SOX5: variants seen among roughly 807,000 people sequenced by gnomAD.
The protein encoded by SOX5 is SRY-box transcription factor 5, also known as transcription factor SOX-5.
Under a neutral mutation model 92.0 loss-of-function variants are expected in SOX5, and 9 were observed. That is an observed-to-expected ratio of 0.10 (90% confidence interval 0.06 to 0.17). The LOEUF is 0.17. Among genes scored for constraint, SOX5 ranks in the 10% least tolerant of loss-of-function variants. SOX5 has a pLI of 1.00. For missense variants in SOX5, 642 were observed against 944.5 expected (o/e 0.68, Z 4.20); for synonymous variants, 344 against 336.3 (o/e 1.02, Z -0.25).
intron 4 of SOX5, among the ~76,000 whole-genome samples, chr12:23,747,345 T>C (rs1005116917): frequency 1.3e-5 from 2 of 152,062 alleles, no homozygotes; most frequent in Non-Finnish European, 2.9e-5. Flanking sequence ...TAAAATCCAT[T>C]CTCCAAACAA....
intron 4 of SOX5, among the ~76,000 whole-genome samples, chr12:24,209,111 A>G (rs1223553773): frequency 2.0e-5 from 3 of 152,216 alleles, no homozygotes; most frequent in Non-Finnish European, 2.9e-5. Context: ...GAGAAATTTG[A>G]GCATTTAAAT....
At chr12:23,916,229 T>C (rs1312765121) in intron 1 of SOX5, among the ~76,000 whole-genome samples, 2 of 152,214 alleles carry the variant, frequency 1.3e-5, no homozygotes, top group African/African-American at 4.8e-5. Context: ...GACCATGTTG[T>C]TCATCTAGAA....
At chr12:23,958,936 T>A (rs1946582990) in intron 4 of SOX5, among the ~76,000 whole-genome samples, 1 of 151,860 alleles carries the variant, frequency 6.6e-6, no homozygotes, top group African/African-American at 2.4e-5. Flanking sequence ...TCATTAGAGA[T>A]AATGGGGAAA....
At chr12:24,388,387 TAAACAGTAGA>T (rs542948302) in intron 1 of SOX5, among the ~76,000 whole-genome samples, 7 of 152,192 alleles carry the variant, frequency 4.6e-5, no homozygotes, top group African/African-American at 1.7e-4. Flanking sequence ...CAGAGGAGAT[TAAACAGTAGA>T]AGAGTGAGGT....
At chr12:23,633,886 A>G (rs1002132047) in intron 8 of SOX5, among the ~76,000 whole-genome samples, 2 of 152,146 alleles carry the variant, frequency 1.3e-5, no homozygotes, top group African/African-American at 4.8e-5. Flanking sequence ...ATGATTTTAA[A>G]AGAATTACAT....
intron 8 of SOX5, among the ~76,000 whole-genome samples, chr12:23,614,437 T>C (rs2076314741): frequency 6.6e-6 from 1 of 152,202 alleles, no homozygotes; most frequent in Non-Finnish European, 1.5e-5. Context: ...AGAGATCTGG[T>C]TTCTTTCACT....
chr12:24,474,676 C>G (rs1019858773), intron 1 of SOX5, among the ~76,000 whole-genome samples: 2 of 151,352 alleles, frequency 1.3e-5, no homozygotes. Context: ...GCTGGGATTA[C>G]AGGCGTGCAC....
At chr12:23,728,447 A>G (rs1001911328) in intron 6 of SOX5, among the ~76,000 whole-genome samples, 1 of 152,160 alleles carries the variant, frequency 6.6e-6, no homozygotes, top group African/African-American at 2.4e-5. Flanking sequence ...TGAGGGGGGT[A>G]AAATGCTTAC....
intron 4 of SOX5, among the ~76,000 whole-genome samples, chr12:23,992,371 A>G (rs996098773): frequency 1.3e-5 from 2 of 152,188 alleles, no homozygotes; most frequent in African/African-American, 4.8e-5. Flanking sequence ...TATCAACTTG[A>G]TCATACTTAC....
intron 1 of SOX5, among the ~76,000 whole-genome samples, chr12:24,441,559 T>G (rs558625220): frequency 1.7e-4 from 26 of 152,316 alleles, no homozygotes; most frequent in African/African-American, 6.3e-4. Flanking sequence ...TTTTTTCCCC[T>G]TTATAAAGTG....
rs1939403939 is a variant in SOX5, at chr12:23,532,988, A to G, written c.*1231T>C. 5.4e-6 allele frequency: 1 copy of G among 186,082 alleles called. No homozygotes were observed. The highest frequency in any genetic ancestry group is 1.0e-3 in the Middle Eastern group (1 of 986). The allele number at this position is 186,082 out of a possible 1,614,324, so 11.5% of individuals were successfully genotyped here. On this transcript the variant is annotated 3_prime_UTR_variant, in exon 15 of 15. Coordinates refer to ENST00000451604, the MANE Select transcript of SOX5 (RefSeq NM_006940.6). The stretch of plus-strand genomic sequence containing the variant: ...TGACCAGGGAGAAAGGACATCTGGG[A>G]GCAGTTTGCTAGTAGCTTCCATGTT...
chr12:24,219,269 A>ATT (rs1959817276), intron 3 of SOX5, among the ~76,000 whole-genome samples: 1 of 152,076 alleles, frequency 6.6e-6, no homozygotes, highest in Non-Finnish European at 1.5e-5. Context: ...AGCTCACAAT[A>ATT]ATTTATTATA....
chr12:24,283,342 A>G (rs1483850039), intron 2 of SOX5, among the ~76,000 whole-genome samples: 4 of 152,236 alleles, frequency 2.6e-5, no homozygotes, highest in Non-Finnish European at 4.4e-5. Context: ...TGATCCTAAA[A>G]GTCAAACTTC....
chr12:23,658,681 A>T (rs894022289), intron 7 of SOX5, among the ~76,000 whole-genome samples: 1 of 152,114 alleles, frequency 6.6e-6, no homozygotes, highest in African/African-American at 2.4e-5. Context: ...CACTTGAGGT[A>T]GGAGTTCGAA....
intron 3 of SOX5, among the ~76,000 whole-genome samples, chr12:24,222,223 T>C (rs1363968595): frequency 6.6e-6 from 1 of 152,182 alleles, no homozygotes; most frequent in Non-Finnish European, 1.5e-5. Flanking sequence ...GAAATGCCAG[T>C]AGAACTGCCC....
intron 4 of SOX5, among the ~76,000 whole-genome samples, chr12:24,097,980 T>A (rs565320415): frequency 2.6e-5 from 4 of 152,206 alleles, no homozygotes; most frequent in African/African-American, 4.8e-5. Context: ...TACACTATTC[T>A]ATGTCACATC....
intron 3 of SOX5, among the ~76,000 whole-genome samples, chr12:23,806,578 C>T (rs1232052871): frequency 7.3e-6 from 1 of 137,102 alleles, no homozygotes; most frequent in Non-Finnish European, 1.5e-5. Flanking sequence ...TATCCTTTTT[C>T]CACTAAAAAA....
chr12:24,392,476 C>A (rs1447404177), intron 1 of SOX5, among the ~76,000 whole-genome samples: 1 of 152,072 alleles, frequency 6.6e-6, no homozygotes, highest in Non-Finnish European at 1.5e-5. Context: ...TTTTTGTCTG[C>A]CATTTTCTCT....
chr12:24,504,936 A>G (rs1036420769), intron 1 of SOX5, among the ~76,000 whole-genome samples: 2 of 152,192 alleles, frequency 1.3e-5, no homozygotes, highest in Non-Finnish European at 2.9e-5. Context: ...AAAAAATACC[A>G]TATCTATGTA....
Sources: allele counts gnomAD v4.1 joint callset (sites outside exome capture counted in the v4.1 genomes callset), GRCh38; gene constraint gnomAD v4.1.1; transcripts MANE v1.5; gene names NCBI Gene and HGNC (gene_info 2026-07-23, HGNC 2026-07-21).